The following RFC1 variants were observed in gnomAD, a reference collection of about 807,000 sequenced individuals.
The protein encoded by RFC1 is A1 140 kDa subunit.
Under a neutral mutation model 137.4 loss-of-function variants are expected in RFC1, and 37 were observed. The ratio of observed to expected loss-of-function variants is 0.27; its 90% CI spans 0.21 to 0.35. The LOEUF (loss-of-function observed/expected upper bound fraction) is 0.35, where lower values mean the gene tolerates loss of function less well. Among genes scored for constraint, RFC1 ranks in the 10% least tolerant of loss-of-function variants. RFC1 has a pLI of 1.00. For missense variants in RFC1, 1,205 were observed against 1,358.5 expected, an observed-to-expected ratio of 0.89 and a Z score of 1.78; for synonymous variants, 429 against 455.7, an observed-to-expected ratio of 0.94 and a Z score of 0.75.
In RFC1 at chr4:39,327,691, T is replaced by C. The variant is rs895251004; in HGVS notation, c.397A>G (p.Asn133Asp). The change falls in exon 5 of 25, where the codon AAT becomes GAT. Residue 133 changes from asparagine (N) to aspartate (D), a missense_variant. Around this residue, in one of 3 missense-constraint regions of RFC1, gnomAD observed 962 missense variants for 1,035.3 expected, o/e 0.93. Transcript: ENST00000349703. ...SKSKENGRST[N>D]SHLGTSNMKK... ...ATGTTTGATGTTCCAAGATGACTAT[T>C]TGTAGATCTTCCATTCTCTTTTGAT... 1.2e-6 allele frequency: 2 copies of C among 1,613,334 alleles called. No individual in the cohort carries two copies. Among genetic ancestry groups the C allele is most frequent in the Non-Finnish European group, 8.5e-7 (1 of 1,179,744 alleles).
intron 6 of RFC1, 67 bp downstream of exon 6, chr4:39,326,496 A>G: frequency 7.6e-7 from 1 of 1,312,148 alleles, no homozygotes; most frequent in Non-Finnish European, 1.1e-6. Flanking sequence ...TCAATTCAAA[A>G]CCTGGCTGGA....
intron 1 of RFC1, 21 bp downstream of exon 1, chr4:39,366,218 C>T (rs1332144925): frequency 2.6e-6 from 4 of 1,553,082 alleles, no homozygotes; most frequent in African/African-American, 1.4e-5. Flanking sequence ...CCGAGCCGCA[C>T]GGCCTCCCCC....
intron 10 of RFC1, among the ~76,000 whole-genome samples, chr4:39,315,775 C>T (rs928779000): frequency 1.3e-5 from 2 of 152,218 alleles, no homozygotes; most frequent in African/African-American, 2.4e-5. Flanking sequence ...CTCCACTTTT[C>T]GACATTTTCA....
intron 1 of RFC1, chr4:39,356,013 A>AAC (rs1741459520): frequency 6.6e-6 from 1 of 151,602 alleles, no homozygotes; most frequent in Admixed American, 6.6e-5. Flanking sequence ...AAAAAAAAAA[A>AAC]AAAAACACTG....
rs1027752926 is a variant in RFC1 at position 39,288,757 on chromosome 4, G to C, written c.*4C>G. 6.3e-7 allele frequency: 1 copy of C among 1,596,814 alleles called. No homozygotes were observed. Among genetic ancestry groups the C allele is most frequent in the Non-Finnish European group, 8.6e-7 (1 of 1,164,974 alleles). ...AAAGTGGCTGTCGCTAGTGAAAAAT[G>C]GTTTCATTTCTTCGAACTTTTTCCT... On this transcript the variant is annotated 3_prime_UTR_variant, in exon 25 of 25. Coordinates refer to ENST00000349703, the MANE Select transcript of RFC1 (RefSeq NM_002913.5).
intron 4 of RFC1, chr4:39,341,505 T>G (rs1226931305): frequency 2.4e-6 from 1 of 419,156 alleles, no homozygotes; most frequent in African/African-American, 2.1e-5. Context: ...TTTGATATTT[T>G]GAACAGTTTC....
Position 39,345,449 on chromosome 4 carries a change from A to C in RFC1, c.160T>G (p.Phe54Val), listed in dbSNP as rs1267849876. ...KVNSSRKEDD[F>V]KQKQPSKKKR... ...TTCTTGCTTGGTTGCTTTTGTTTGA[A>C]GTCATCCTCTTTACGGGAGCTATTT... Residue 54 changes from phenylalanine to valine, a missense_variant, in exon 3 of 25, where the codon TTC (phenylalanine) becomes GTC (valine). Phe to Val is a conservative substitution (Grantham distance 50). Coordinates refer to ENST00000349703, the MANE Select transcript of RFC1 (RefSeq NM_002913.5). 3.7e-6 allele frequency: 6 copies of C among 1,613,716 alleles called. No individual in the cohort carries two copies. Among genetic ancestry groups the C allele is most frequent in the African/African-American group, 2.7e-5 (2 of 74,934 alleles).
At position 39,288,230 on chromosome 4, in the gene RFC1, T is replaced by G. The variant is rs962954061; in HGVS notation, c.*531A>C. The stretch of plus-strand genomic sequence containing the variant: ...TTGTACACATATCATGTGGAACATT[T>G]TTATTCCTAATTTATACTTTGAAAG... On this transcript the variant is annotated 3_prime_UTR_variant, in exon 25 of 25. Coordinates refer to ENST00000349703, the MANE Select transcript of RFC1 (RefSeq NM_002913.5). 6.6e-6 allele frequency: 1 copy of G among 152,244 alleles called. No individual in the cohort carries two copies. Among genetic ancestry groups the G allele is most frequent in the Non-Finnish European group, 1.5e-5 (1 of 68,060 alleles). The allele number at this position is 152,244 out of a possible 1,614,324, so 9.4% of individuals were successfully genotyped here.
chr4:39,348,371 C>T (rs1398631163), intron 2 of RFC1, among the ~76,000 whole-genome samples: 3 of 140,570 alleles, frequency 2.1e-5, no homozygotes, highest in Non-Finnish European at 4.7e-5. Context: ...TGCAGTGAGC[C>T]GAGATTGCGC....
chr4:39,287,906 G>A lies in RFC1; in HGVS notation c.*855C>T, dbSNP rs1286570749. On this transcript the variant is annotated 3_prime_UTR_variant, in exon 25 of 25. Transcript: ENST00000349703. ...TGGTTCCTACTGGTCTGAACCTGATGGGTTGAGACTCCAGAAGGATAAGAA... is the reference window on the plus strand; with the variant it reads ...TGGTTCCTACTGGTCTGAACCTGATAGGTTGAGACTCCAGAAGGATAAGAA... The A allele has an allele frequency of 6.6e-6, 1 of 152,186 alleles. No homozygotes were observed. Among genetic ancestry groups the A allele is most frequent in the East Asian group, 1.9e-4 (1 of 5,192 alleles). The allele number at this position is 152,186 out of a possible 1,614,324, so 9.4% of individuals were successfully genotyped here.
intron 1 of RFC1, among the ~76,000 whole-genome samples, chr4:39,351,687 C>T (rs748448511): frequency 3.3e-5 from 5 of 152,112 alleles, no homozygotes; most frequent in Non-Finnish European, 5.9e-5. Context: ...GTCGGCCAGG[C>T]GCGGTGGCTC....
intron 4 of RFC1, among the ~76,000 whole-genome samples, chr4:39,337,238 G>T (rs1216728661): frequency 6.6e-6 from 1 of 152,194 alleles, no homozygotes; most frequent in Admixed American, 6.5e-5. Context: ...GCCAGGCATG[G>T]CGGTGCACGC....
intron 12 of RFC1, among the ~76,000 whole-genome samples, chr4:39,311,182 T>C (rs964590599): frequency 5.3e-5 from 8 of 152,014 alleles, no homozygotes; most frequent in Admixed American, 2.6e-4. Context: ...ATATGGAAAA[T>C]AAGGAAAGTT....
At chr4:39,351,280 A>ACTT in intron 2 of RFC1, 68 bp downstream of exon 2, 3 of 537,124 alleles carry the variant, frequency 5.6e-6, no homozygotes, top group Non-Finnish European at 8.1e-6. Flanking sequence ...AAAAAAAAAA[A>ACTT]AAAAACTTAT....
chr4:39,293,597 T>C (rs917556689), intron 22 of RFC1, among the ~76,000 whole-genome samples: 1 of 152,120 alleles, frequency 6.6e-6, no homozygotes, highest in Non-Finnish European at 1.5e-5. Context: ...ACTTTAAAAA[T>C]TATGAATTCA....
intron 1 of RFC1, among the ~76,000 whole-genome samples, chr4:39,360,024 A>C (rs1741672347): frequency 6.6e-6 from 1 of 151,976 alleles, no homozygotes; most frequent in Non-Finnish European, 1.5e-5. Context: ...GGAAATAAAA[A>C]ATTTAAAAAT....
In RFC1 at chr4:39,321,325, T is replaced by G. The variant is rs748525530; in HGVS notation, c.770A>C (p.Asn257Thr). 2.5e-6 allele frequency: 4 copies of G among 1,613,432 alleles called. No individual in the cohort carries two copies. The East Asian group carries it at 8.9e-5, about 36-fold the overall frequency. ...AGETFSSVQA[N>T]LSKAEKHKYP... ...TTTATGTTTTTCTGCTTTACTTAAA[T>G]TGGCTTGGACAGATGAAAACGTTTC... Residue 257 changes from asparagine to threonine, a missense_variant, in exon 8 of 25, where the codon AAT becomes ACT. Coordinates refer to ENST00000349703, the MANE Select transcript of RFC1 (RefSeq NM_002913.5).
chr4:39,351,586 T>C (rs1383121633), intron 1 of RFC1, 110 bp from the exon 2 acceptor site: 2 of 888,400 alleles, frequency 2.3e-6, no homozygotes, highest in Non-Finnish European at 3.2e-6. Flanking sequence ...CCTGAGTAAT[T>C]TTTCCATACC....
At chr4:39,327,894 G>T in intron 4 of RFC1, 138 bp from the exon 5 acceptor site, 1 of 650,586 alleles carries the variant, frequency 1.5e-6, no homozygotes, top group East Asian at 2.8e-5. Flanking sequence ...CACTTTTGGA[G>T]ACCAAGATAG....
Sources: gnomAD v4.1 joint callset for allele counts (sites outside exome capture counted in the v4.1 genomes callset) on GRCh38, gnomAD v4.1.1 for gene constraint, gnomAD v4.1.1 regional missense constraint, MANE v1.5 for transcripts, NCBI Gene and HGNC (gene_info 2026-07-23, HGNC 2026-07-21) for gene names.